The following CAPN11 variants were observed in gnomAD, a reference collection of about 807,000 sequenced individuals.
CAPN11 encodes the protein calpain-11.
In CAPN11, 108 loss-of-function variants were observed where a neutral mutation model predicts 105.3. The observed-to-expected ratio is 1.03, with a 90% CI of 0.88 to 1.20. The LOEUF is 1.20. CAPN11 is among the 50% of genes most tolerant of loss of function. CAPN11 has a pLI of 0.00. For synonymous variants in CAPN11, 329 were observed against 344.5 expected (o/e 0.96, Z 0.50); for missense variants, 883 against 924.8 (o/e 0.95, Z 0.59).
Position 44,176,821 on chromosome 6 carries a change from C to A in CAPN11, c.1077-17C>A. On this transcript the variant is annotated splice_polypyrimidine_tract_variant and intron_variant, in intron 10 of 22. Coordinates refer to ENST00000398776, the MANE Select transcript of CAPN11 (RefSeq NM_007058.4). ...GCAAGTGTGCTGCTGACGGGCTCCA[C>A]CCCCACCCCACCACAGGATGTCCTA... The A allele has an allele frequency of 6.2e-7, 1 of 1,613,042 alleles. No homozygotes were observed. The highest frequency in any genetic ancestry group is 2.2e-5 in the East Asian group (1 of 44,878).
intron 1 of CAPN11, among the ~76,000 whole-genome samples, 167 bp from the exon 2 acceptor site, chr6:44,166,591 G>T (rs553277912): frequency 3.1e-4 from 47 of 152,052 alleles, no homozygotes; most frequent in Non-Finnish European, 5.7e-4. Flanking sequence ...GCTCAAGCAG[G>T]GTCTCACCTC....
rs1233922243 is a variant in CAPN11 at position 44,180,655 on chromosome 6, C to T, written c.1739C>T (p.Ala580Val). The T allele has an allele frequency of 1.9e-6, 3 of 1,613,520 alleles. No homozygotes were observed. The highest frequency in any genetic ancestry group is 2.5e-6 in the Non-Finnish European group (3 of 1,179,786). ...TTCCTACATTTGTTTAAGATAGTGG[C>T]AGGAGAGGTGAGCAGGCCACGAGCG... is the stretch of plus-strand genomic sequence containing the variant. Reference protein sequence around the residue: ...QDFLHLFKIVAGEGKEIGVYE... With the variant: ...QDFLHLFKIVVGEGKEIGVYE... Residue 580 changes from alanine (A) to valine (V), a missense_variant, in exon 16 of 23, where the codon GCA becomes GTA. Coordinates refer to ENST00000398776, the MANE Select transcript of CAPN11 (RefSeq NM_007058.4).
rs534515694 is a variant in CAPN11 at position 44,177,211 on chromosome 6, G to A, written c.1238-31G>A. ...AAGGGCGTGGCCAAGGGAAGCCCCC[G>A]TATAACCACGCTGACCCACTTCCGC... On this transcript the variant is annotated intron_variant, in intron 11 of 22. Coordinates refer to ENST00000398776, the MANE Select transcript of CAPN11 (RefSeq NM_007058.4). 6.0e-5 allele frequency: 93 copies of A among 1,551,178 alleles called. No individual in the cohort carries two copies. In the East Asian group the frequency reaches 1.0e-3, roughly 17 times the overall value.
chr6:44,180,741 T>G lies in CAPN11; in HGVS notation c.1747-7T>G. ...GCCCGAGTGGGGTTCACAGTTCCCC[T>G]TCCTAGGGCAAGGAGATAGGGGTGT... On this transcript the variant is annotated splice_polypyrimidine_tract_variant and splice_region_variant and intron_variant, in intron 16 of 22. Transcript: ENST00000398776. 1 of 1,613,588 alleles carries G rather than the reference T, an allele frequency of 6.2e-7. No individual in the cohort carries two copies. Among genetic ancestry groups the G allele is most frequent in the Non-Finnish European group, 8.5e-7 (1 of 1,179,712 alleles).
intron 19 of CAPN11, 123 bp downstream of exon 19, chr6:44,181,443 C>CCACACACACACA: frequency 3.4e-6 from 2 of 589,932 alleles, no homozygotes; most frequent in African/African-American, 4.8e-5. Context: ...CCCAACCACA[C>CCACACACACACA]CACACTCACA....
chr6:44,180,706 G>A (rs1561852831), intron 16 of CAPN11, 42 bp from the exon 17 acceptor site: 2 of 1,613,548 alleles, frequency 1.2e-6, no homozygotes, highest in East Asian at 2.2e-5. Flanking sequence ...GGGGATGAGG[G>A]GCTGGAGGGG....
In CAPN11 at chr6:44,161,751, A is replaced by T. The variant is rs555745865; in HGVS notation, c.16+2887A>T. The stretch of plus-strand genomic sequence containing the variant: ...TTGGCCTGCCCTCTGATGTTCTTTC[A>T]GTCTTCTCAAACAACAGCATCTTCC... On this transcript the variant is annotated intron_variant, in intron 1 of 22. Coordinates refer to ENST00000398776, the MANE Select transcript of CAPN11 (RefSeq NM_007058.4). 8.8e-5 allele frequency: 40 copies of T among 455,954 alleles called. 1 individual carries two copies. Among genetic ancestry groups the T allele is most frequent in the African/African-American group, 6.4e-4 (32 of 50,162 alleles). 28.2% of individuals were successfully genotyped at this position (455,954 alleles called of 1,614,324 possible).
Position 44,169,318 on chromosome 6 carries a change from AAAC to A in CAPN11, c.131_133del (p.Asn44del), listed in dbSNP as rs1381189739. On this transcript the variant is annotated inframe_deletion, in exon 3 of 23. Transcript: ENST00000398776. The stretch of plus-strand genomic sequence containing the variant: ...CTGATACGGGAATGGTGGCTCACAT[AAAC>A]AACAGCCGGCTCAAGGCCAAGGGCG... 6.2e-7 allele frequency: 1 copy of A among 1,613,156 alleles called. No individual in the cohort carries two copies. Among genetic ancestry groups the A allele is most frequent in the Non-Finnish European group, 8.5e-7 (1 of 1,179,596 alleles).
In CAPN11 at chr6:44,181,316, G is replaced by A; in HGVS notation, c.1934G>A (p.Trp645Ter). ...ATCCTGTGGAAAAAACTCAAGAAATGGATGGTAAAGGGCACTAAAGGGGCA... is the reference window on the plus strand; with the variant it reads ...ATCCTGTGGAAAAAACTCAAGAAATAGATGGTAAAGGGCACTAAAGGGGCA... Reference protein sequence around the residue: ...FKILWKKLKKWMDIFRECDQD... With the variant: ...FKILWKKLKK The change falls in exon 19 of 23, where the codon TGG (tryptophan) becomes TAG (stop). Residue 645 changes from tryptophan to a stop codon, truncating the protein, a stop_gained. Coordinates refer to ENST00000398776, the MANE Select transcript of CAPN11 (RefSeq NM_007058.4). LOFTEE classifies it high-confidence loss of function. The A allele has an allele frequency of 1.2e-6, 2 of 1,610,222 alleles. No individual in the cohort carries two copies. Among genetic ancestry groups the A allele is most frequent in the South Asian group, 1.1e-5 (1 of 91,000 alleles).
At chr6:44,163,864 G>A (rs111501958) in intron 1 of CAPN11, among the ~76,000 whole-genome samples, 20 of 152,166 alleles carry the variant, frequency 1.3e-4, no homozygotes, top group African/African-American at 3.9e-4. Context: ...GAGATGGGGG[G>A]TCTCACTTTG....
chr6:44,180,924 T>C lies in CAPN11; in HGVS notation c.1805-9T>C. 6.2e-7 allele frequency: 1 copy of C among 1,613,392 alleles called. No homozygotes were observed. Among genetic ancestry groups the C allele is most frequent in the Non-Finnish European group, 8.5e-7 (1 of 1,179,508 alleles). On this transcript the variant is annotated splice_polypyrimidine_tract_variant and intron_variant, in intron 17 of 22. Coordinates refer to ENST00000398776, the MANE Select transcript of CAPN11 (RefSeq NM_007058.4). ...TGTCTCTCCTTTCTACCCCTTCCCT[T>C]CCTCACAGTCAAAAGCTTCAAGACC...
chr6:44,167,086 C>CT (rs1252366849), intron 2 of CAPN11, among the ~76,000 whole-genome samples: 1 of 152,126 alleles, frequency 6.6e-6, no homozygotes, highest in Non-Finnish European at 1.5e-5. Context: ...TGACTCGACT[C>CT]TTACCCTGAC....
intron 3 of CAPN11, 40 bp downstream of exon 3, chr6:44,169,571 G>T (rs780893005): frequency 1.3e-6 from 2 of 1,493,950 alleles, no homozygotes; most frequent in East Asian, 4.9e-5. Flanking sequence ...TGGATGGAAG[G>T]GAGCTTGTAG....
intron 7 of CAPN11, among the ~76,000 whole-genome samples, chr6:44,174,964 A>G (rs1771710950): frequency 6.6e-6 from 1 of 152,216 alleles, no homozygotes; most frequent in South Asian, 2.1e-4. Context: ...AATTAAGAAC[A>G]GATGAGTGGT....
intron 13 of CAPN11, 24 bp downstream of exon 13, chr6:44,179,654 C>G (rs552285001): frequency 4.3e-6 from 7 of 1,611,056 alleles, no homozygotes; most frequent in Non-Finnish European, 5.9e-6. Flanking sequence ...AGATGTGGGG[C>G]TTGTTCCTGG....
chr6:44,167,614 A>G lies in CAPN11; in HGVS notation c.88+785A>G, dbSNP rs138994400. Among the ~76,000 whole-genome samples the G allele has an allele frequency of 8.9e-3, 1,344 of 151,678 alleles. 18 individuals are homozygous for G. The highest frequency in any genetic ancestry group is 0.031 in the African/African-American group (1,273 of 41,282). The stretch of plus-strand genomic sequence containing the variant: ...CAAATACCCTACAGTTCACCCATTT[A>G]AAGTGTACCATTTGGCTGGGTGCAG... On this transcript the variant is annotated intron_variant, in intron 2 of 22. Coordinates refer to ENST00000398776, the MANE Select transcript of CAPN11 (RefSeq NM_007058.4).
intron 19 of CAPN11, 83 bp downstream of exon 19, chr6:44,181,403 A>C (rs1327185343): frequency 1.1e-5 from 12 of 1,116,318 alleles, no homozygotes; most frequent in Admixed American, 2.0e-5. Context: ...GGAAGCTAGA[A>C]CCCAAGCCCT....
At chr6:44,183,274 G>A (rs1368854359) in intron 21 of CAPN11, 39 bp downstream of exon 21, 1 of 1,345,096 alleles carries the variant, frequency 7.4e-7, no homozygotes, top group Non-Finnish European at 1.1e-6. Flanking sequence ...CCTAGGCCAG[G>A]GGCCGCGGGC....
chr6:44,183,542 G>A (rs1475622527), intron 21 of CAPN11, among the ~76,000 whole-genome samples, 163 bp from the exon 22 acceptor site: 1 of 152,214 alleles, frequency 6.6e-6, no homozygotes, highest in African/African-American at 2.4e-5. Context: ...CTCCTGGTGA[G>A]GCTATGTGAG....
Sources: gnomAD v4.1 joint callset for allele counts (sites outside exome capture counted in the v4.1 genomes callset) on GRCh38, gnomAD v4.1.1 for gene constraint, MANE v1.5 for transcripts, NCBI Gene and HGNC (gene_info 2026-07-23, HGNC 2026-07-21) for gene names.